Variants in PCDHGA4 observed in about 807,000 individuals in gnomAD.
PCDHGA4 encodes the protein protocadherin gamma-A4.
A neutral mutation model predicts 54.6 loss-of-function variants in PCDHGA4; 38 were observed. That is an observed-to-expected ratio of 0.70 (90% CI 0.54 to 0.91). The LOEUF is 0.91. Ranked by LOEUF, PCDHGA4 falls within the 40% of genes least tolerant of loss-of-function variation. PCDHGA4 has a pLI of 0.00. For missense variants in PCDHGA4, 1,298 were observed against 1,220.9 expected (o/e 1.06, Z -0.94); for synonymous variants, 511 against 512.9 (o/e 1.00, Z 0.05).
In PCDHGA4 at chr5:141,494,832, G is replaced by A. The variant is rs758427900; in HGVS notation, c.2540G>A (p.Arg847His). The A allele has an allele frequency of 1.2e-6, 2 of 1,614,066 alleles. No homozygotes were observed. Among genetic ancestry groups the A allele is most frequent in the Non-Finnish European group, 1.7e-6 (2 of 1,179,994 alleles). The change falls in exon 2 of 4, where the codon CGT (arginine) becomes CAT (histidine). Residue 847 changes from arginine (R) to histidine (H), a missense_variant. Transcript: ENST00000571252. ...CAAGCCCCGCCCAACACGGACTGGC[G>A]TTTCTCTCAGGCCCAGAGACCCGGC... ...LQQAPPNTDW[R>H]FSQAQRPGTS...
intron 1 of PCDHGA4, chr5:141,383,500 G>T: frequency 6.2e-7 from 1 of 1,613,078 alleles, no homozygotes; most frequent in East Asian, 2.2e-5. Flanking sequence ...GCGGGTGCTG[G>T]ACCGGGAGGA....
rs1374190670 is a variant in PCDHGA4 at position 141,487,196 on chromosome 5, G to C, written c.2515-7611G>C. ...GGAAGACACTCATCCAGTTGTCCCAGATCTTCGAGAATCTTCAGCTCCAAG... is the reference window on the plus strand; with the variant it reads ...GGAAGACACTCATCCAGTTGTCCCACATCTTCGAGAATCTTCAGCTCCAAG... On this transcript the variant is annotated intron_variant, in intron 1 of 3. Coordinates refer to ENST00000571252, the MANE Select transcript of PCDHGA4 (RefSeq NM_018917.4). The surrounding 1 kb of genome is among the most constrained non-coding windows in gnomAD (Gnocchi z 5.0). 6.2e-7 allele frequency: 1 copy of C among 1,613,878 alleles called. No homozygotes were observed. Among genetic ancestry groups the C allele is most frequent in the Admixed American group, 1.7e-5 (1 of 60,030 alleles).
At chr5:141,418,436 G>A in intron 1 of PCDHGA4, 1 of 1,614,000 alleles carries the variant, frequency 6.2e-7, no homozygotes. Flanking sequence ...CAAATATCCA[G>A]AATTAGTATT....
In PCDHGA4 at chr5:141,477,629, C is replaced by A. The variant is rs1191573380; in HGVS notation, c.2515-17178C>A. The A allele has an allele frequency of 6.2e-7, 1 of 1,614,040 alleles. No individual in the cohort carries two copies. The highest frequency in any genetic ancestry group is 8.5e-7 in the Non-Finnish European group (1 of 1,180,040). ...CTTGGAGCAAGGAGCTGAAACCGGGCTAGTGGGTCGCTATTTCACAATAAA... is the reference window on the plus strand; with the variant it reads ...CTTGGAGCAAGGAGCTGAAACCGGGATAGTGGGTCGCTATTTCACAATAAA... On this transcript the variant is annotated intron_variant, in intron 1 of 3. Coordinates refer to ENST00000571252, the MANE Select transcript of PCDHGA4 (RefSeq NM_018917.4). The surrounding 1 kb of genome is among the most constrained non-coding windows in gnomAD (Gnocchi z 4.9).
At position 141,364,340 on chromosome 5, in the gene PCDHGA4, C is replaced by G. The variant is rs750695410; in HGVS notation, c.2514+6719C>G. The G allele has an allele frequency of 4.6e-6, 7 of 1,534,518 alleles. No individual in the cohort carries two copies. The highest frequency in any genetic ancestry group is 6.1e-6 in the Non-Finnish European group (7 of 1,144,800). On this transcript the variant is annotated intron_variant, in intron 1 of 3. Coordinates refer to ENST00000571252, the MANE Select transcript of PCDHGA4 (RefSeq NM_018917.4). The stretch of plus-strand genomic sequence containing the variant: ...GGGCAGAGAGAAGGCAATGGCGAGT[C>G]CACCTAGGGGCTGGGGCTGCGGAGA...
At chr5:141,429,875 A>G (rs959789833) in intron 1 of PCDHGA4, among the ~76,000 whole-genome samples, 3 of 152,322 alleles carry the variant, frequency 2.0e-5, no homozygotes, top group Middle Eastern at 6.8e-3. Context: ...ATTTTCTTTT[A>G]CTAAGTTTCC....
At position 141,362,472 on chromosome 5, in the gene PCDHGA4, T is replaced by G. The variant is rs1762526410; in HGVS notation, c.2514+4851T>G. On this transcript the variant is annotated intron_variant, in intron 1 of 3. Transcript: ENST00000571252. ...CCCCGGAATTGGTTCCCGCGCAAGA[T>G]CTCGTCTGTGACAATGCCTCTTGGG... 3 of 1,613,916 alleles carry G rather than the reference T, an allele frequency of 1.9e-6. No individual in the cohort carries two copies. Among genetic ancestry groups the G allele is most frequent in the Non-Finnish European group, 2.5e-6 (3 of 1,179,892 alleles).
intron 1 of PCDHGA4, chr5:141,421,262 GGCT>G (rs748368476): frequency 2.1e-5 from 34 of 1,608,226 alleles, no homozygotes; most frequent in Admixed American, 5.1e-5. Flanking sequence ...GACCGCAGTC[GGCT>G]GCTGCTGCTG....
intron 1 of PCDHGA4, chr5:141,408,935 G>C (rs773802276): frequency 6.2e-7 from 1 of 1,613,472 alleles, no homozygotes; most frequent in Non-Finnish European, 8.5e-7. Context: ...TTTCAGCAGA[G>C]ACGAATATAG....
intron 1 of PCDHGA4, chr5:141,389,283 GC>G (rs775524674): frequency 6.2e-7 from 1 of 1,614,022 alleles, no homozygotes; most frequent in South Asian, 1.1e-5. Context: ...CCCGCCTGGA[GC>G]CTCTATTTCA....
At chr5:141,416,287 T>A (rs2096012467) in intron 1 of PCDHGA4, 1 of 152,276 alleles carries the variant, frequency 6.6e-6, no homozygotes, top group Admixed American at 6.5e-5. Flanking sequence ...ATTCTCTAAT[T>A]TCACACTGCT....
intron 1 of PCDHGA4, chr5:141,409,410 A>G (rs1465791228): frequency 6.2e-7 from 1 of 1,614,036 alleles, no homozygotes; most frequent in African/African-American, 1.3e-5. Flanking sequence ...AACTACTACA[A>G]ACTGGTGACA....
intron 1 of PCDHGA4, chr5:141,385,394 C>T: frequency 1.3e-5 from 19 of 1,499,976 alleles, no homozygotes; most frequent in Non-Finnish European, 1.7e-5. Context: ...TTTTGCAAAA[C>T]AAATGTTTTG....
intron 1 of PCDHGA4, chr5:141,376,398 A>C (rs1266114748): frequency 6.2e-7 from 1 of 1,614,080 alleles, no homozygotes; most frequent in Admixed American, 1.7e-5. Context: ...ATTTTCCCCC[A>C]GCCCAACTAT....
chr5:141,510,510 G>C (rs1042950478), intron 3 of PCDHGA4, among the ~76,000 whole-genome samples: 1 of 152,132 alleles, frequency 6.6e-6, no homozygotes, highest in Non-Finnish European at 1.5e-5. Context: ...CTGAGAGCCC[G>C]TGTCACAGCC....
At chr5:141,361,113 T>C (rs773447927) in intron 1 of PCDHGA4, 2 of 1,613,996 alleles carry the variant, frequency 1.2e-6, no homozygotes, top group East Asian at 2.2e-5. Flanking sequence ...ATCCTGGAGA[T>C]CTAGCAGCCC....
rs780105196 is a variant in PCDHGA4 at position 141,366,612 on chromosome 5, C to T, written c.2514+8991C>T. 1.7e-5 allele frequency: 28 copies of T among 1,614,116 alleles called. No individual in the cohort carries two copies. In the Admixed American group the frequency reaches 4.5e-4, roughly 26 times the overall value. ...TATTCCCACGAGGTCTCCCTCACCG[C>T]GGACTCGAGGAAGAGTCACCTGATC... On this transcript the variant is annotated intron_variant, in intron 1 of 3. Transcript: ENST00000571252.
rs1248104988 is a variant in PCDHGA4, at chr5:141,409,585, G to A, written c.2514+51964G>A. 3.1e-6 allele frequency: 5 copies of A among 1,613,912 alleles called. No individual in the cohort carries two copies. The Admixed American group carries it at 5.0e-5, about 16-fold the overall frequency. ...ACCAGACGTCCTACGTGGTCCACGT[G>A]GCCGAGAACAACCCGCCAGGAGCCT... On this transcript the variant is annotated intron_variant, in intron 1 of 3. Coordinates refer to ENST00000571252, the MANE Select transcript of PCDHGA4 (RefSeq NM_018917.4).
chr5:141,478,392 A>T, intron 1 of PCDHGA4: 1 of 1,613,560 alleles, frequency 6.2e-7, no homozygotes, highest in East Asian at 2.2e-5. Flanking sequence ...CTTTACCATC[A>T]GGTGTATCTC....
Sources: gnomAD v4.1 joint callset for allele counts (sites outside exome capture counted in the v4.1 genomes callset) on GRCh38, gnomAD v4.1.1 for gene constraint, Gnocchi (gnomAD v3.1) non-coding constraint, MANE v1.5 for transcripts, NCBI Gene and HGNC (gene_info 2026-07-23, HGNC 2026-07-21) for gene names.